The following ST3GAL4 variants were observed in gnomAD, a reference collection of about 807,000 sequenced individuals.
ST3GAL4 encodes the protein CMP-N-acetylneuraminate-beta-galactosamide-alpha-2,3-sialyltransferase 4.
A neutral mutation model predicts 42.6 loss-of-function variants in ST3GAL4; 24 were observed. That is an observed-to-expected ratio of 0.56 (90% CI 0.41 to 0.79). The LOEUF (loss-of-function observed/expected upper bound fraction) is 0.79. Ranked by LOEUF, ST3GAL4 falls within the 30% of genes least tolerant of loss-of-function variation. ST3GAL4 has a pLI of 0.00. For synonymous variants in ST3GAL4, 135 were observed against 163.2 expected (o/e 0.83, Z 1.32); for missense variants, 311 against 430.8 (o/e 0.72, Z 2.46).
chr11:126,386,382 A>G lies in ST3GAL4; in HGVS notation c.-60-19714A>G, dbSNP rs1953227628. On this transcript the variant is annotated intron_variant, in intron 1 of 10. Transcript: ENST00000444328. This position sits in a 1 kb window ranked among gnomAD's most constrained non-coding sequence, Gnocchi z 4.7. ...CCCTCCCTGCTTGCATTCGGCCCAC[A>G]GGCCTTGTGGCTCCTGTTTCTGCTG... is the stretch of plus-strand genomic sequence containing the variant. 6.6e-6 allele frequency among the ~76,000 whole-genome samples: 1 copy of G among 151,998 alleles called. No homozygotes were observed. Among genetic ancestry groups the G allele is most frequent in the Non-Finnish European group, 1.5e-5 (1 of 67,998 alleles).
At chr11:126,403,022 T>C (rs1297284504) in intron 1 of ST3GAL4, among the ~76,000 whole-genome samples, 1 of 152,230 alleles carries the variant, frequency 6.6e-6, no homozygotes, top group African/African-American at 2.4e-5. Flanking sequence ...TCCTGCCCTT[T>C]ATGCTCAGAG....
At chr11:126,374,636 G>GGA (rs938859417) in intron 1 of ST3GAL4, among the ~76,000 whole-genome samples, 15 of 152,070 alleles carry the variant, frequency 9.9e-5, no homozygotes, top group Non-Finnish European at 2.2e-4. Flanking sequence ...CAGCCTCCAT[G>GGA]GAGAGGAGTT....
At chr11:126,389,482 A>G (rs908709121) in intron 1 of ST3GAL4, among the ~76,000 whole-genome samples, 4 of 152,226 alleles carry the variant, frequency 2.6e-5, no homozygotes, top group African/African-American at 7.2e-5. Context: ...CATACACACA[A>G]GCACACACTG....
At chr11:126,407,719 T>TC in intron 6 of ST3GAL4, 85 bp downstream of exon 6, 1 of 1,171,928 alleles carries the variant, frequency 8.5e-7, no homozygotes, top group Non-Finnish European at 1.1e-6. Flanking sequence ...ACCCCCCCGC[T>TC]CTGTGAAACA....
rs1954495885 is a variant in ST3GAL4 at position 126,410,842 on chromosome 11, A to G, written c.771+1431A>G. Among the ~76,000 whole-genome samples, 1 of 152,140 alleles carries G rather than the reference A, an allele frequency of 6.6e-6. No homozygotes were observed. The highest frequency in any genetic ancestry group is 1.9e-4 in the East Asian group (1 of 5,178). On this transcript the variant is annotated intron_variant, in intron 9 of 10. Transcript: ENST00000444328. The surrounding 1 kb of genome is among the most constrained non-coding windows in gnomAD (Gnocchi z 5.3). ...TGTTCCCAATGCCGTGGAATCTCAG[A>G]GGAGGGGCAGACATCTGCTGAGAGA...
At chr11:126,413,311 T>G in intron 9 of ST3GAL4, 194 bp from the exon 10 acceptor site, 1 of 549,524 alleles carries the variant, frequency 1.8e-6, no homozygotes, top group Non-Finnish European at 3.1e-6. Context: ...TTAATTAAAA[T>G]TTAATAAAAT....
intron 1 of ST3GAL4, among the ~76,000 whole-genome samples, chr11:126,403,888 G>A (rs1276731331): frequency 1.4e-4 from 21 of 152,290 alleles, no homozygotes; most frequent in South Asian, 2.1e-4. Context: ...GCACATCGAG[G>A]TTTGAGAAGT....
rs1262468604 is a variant in ST3GAL4, at chr11:126,376,888, C to G, written c.-61+21046C>G. 6.6e-6 allele frequency: 1 copy of G among 152,196 alleles called. No individual in the cohort carries two copies. Among genetic ancestry groups the G allele is most frequent in the Admixed American group, 6.5e-5 (1 of 15,286 alleles). The allele number at this position is 152,196 out of a possible 1,614,324, so 9.4% of individuals were successfully genotyped here. On this transcript the variant is annotated intron_variant, in intron 1 of 10. Transcript: ENST00000444328. This position sits in a 1 kb window ranked among gnomAD's most constrained non-coding sequence, Gnocchi z 5.1. Reference sequence around the variant, plus strand: ...GTTACATAGTCAGTGTTGCTTTCCTCAAGTTGAATGATCCTCATGGTAACT... The same window carrying G: ...GTTACATAGTCAGTGTTGCTTTCCTGAAGTTGAATGATCCTCATGGTAACT...
intron 1 of ST3GAL4, among the ~76,000 whole-genome samples, chr11:126,361,382 A>G (rs77288666): frequency 1.9e-5 from 2 of 102,726 alleles, no homozygotes; most frequent in African/African-American, 7.5e-5. Flanking sequence ...TTTTTTTTTG[A>G]AAACCCCCAT....
chr11:126,390,119 C>CT (rs35195886), intron 1 of ST3GAL4, among the ~76,000 whole-genome samples: 151,470 of 151,472 alleles, frequency 1, 75,734 homozygotes, highest in Non-Finnish European at 1. Flanking sequence ...GGAGGCAGAG[C>CT]TGCAGTGAGC....
rs986517377 is a variant in ST3GAL4, at chr11:126,414,338, A to G, written c.*291A>G. On this transcript the variant is annotated 3_prime_UTR_variant, in exon 11 of 11. Transcript: ENST00000444328. The stretch of plus-strand genomic sequence containing the variant: ...GCACCAAGAGATTATTTAATGGGCT[A>G]TTTAATTAAGGGGTAGGAAGGTGCT... 15 of 462,128 alleles carry G rather than the reference A, an allele frequency of 3.2e-5. 1 individual carries two copies. Among genetic ancestry groups the G allele is most frequent in the Admixed American group, 6.8e-5 (2 of 29,374 alleles). 28.6% of individuals were successfully genotyped at this position (462,128 alleles called of 1,614,324 possible).
chr11:126,413,694 C>A, intron 10 of ST3GAL4, 46 bp downstream of exon 10: 1 of 1,606,850 alleles, frequency 6.2e-7, no homozygotes, highest in South Asian at 1.1e-5. Context: ...CGTGGACGGG[C>A]AGACAGTCAG....
At position 126,393,199 on chromosome 11, in the gene ST3GAL4, C is replaced by A. The variant is rs1953585173; in HGVS notation, c.-60-12897C>A. 3 of 152,164 alleles carry A rather than the reference C, an allele frequency of 2.0e-5. No individual in the cohort carries two copies. The South Asian group carries it at 6.2e-4, about 32-fold the overall frequency. The allele number at this position is 152,164 out of a possible 1,614,324, so 9.4% of individuals were successfully genotyped here. On this transcript the variant is annotated intron_variant, in intron 1 of 10. Coordinates refer to ENST00000444328, the MANE Select transcript of ST3GAL4 (RefSeq NM_001254757.2). The surrounding 1 kb of genome is among the most constrained non-coding windows in gnomAD (Gnocchi z 5.9). ...AGGGTTTAGTCTCGGTAGCCAGTGC[C>A]TAGGGCACAGGTCTTGGCCAGAGGA...
At chr11:126,374,516 G>T (rs1472599704) in intron 1 of ST3GAL4, among the ~76,000 whole-genome samples, 3 of 149,876 alleles carry the variant, frequency 2.0e-5, no homozygotes, top group South Asian at 4.2e-4. Context: ...AGATAGCCAA[G>T]CCCATGTCTA....
intron 1 of ST3GAL4, among the ~76,000 whole-genome samples, chr11:126,402,092 A>AGGGGGC (rs372167321): frequency 1.4e-4 from 20 of 139,130 alleles, no homozygotes; most frequent in East Asian, 7.9e-4. Context: ...TTTGGGGGAA[A>AGGGGGC]GAGGGGAGGT....
At chr11:126,370,420 C>T (rs1347712082) in intron 1 of ST3GAL4, among the ~76,000 whole-genome samples, 1 of 152,172 alleles carries the variant, frequency 6.6e-6, no homozygotes, top group Non-Finnish European at 1.5e-5. Flanking sequence ...AGTATATATT[C>T]ATAGCCTTAG....
intron 1 of ST3GAL4, among the ~76,000 whole-genome samples, chr11:126,381,661 A>G (rs1953008123): frequency 6.8e-6 from 1 of 146,420 alleles, no homozygotes; most frequent in Non-Finnish European, 1.5e-5. Flanking sequence ...CTGCTTGTGG[A>G]TGCTTTGTCT....
chr11:126,384,670 C>T lies in ST3GAL4; in HGVS notation c.-60-21426C>T, dbSNP rs1953146805. On this transcript the variant is annotated intron_variant, in intron 1 of 10. Coordinates refer to ENST00000444328, the MANE Select transcript of ST3GAL4 (RefSeq NM_001254757.2). This position sits in a 1 kb window ranked among gnomAD's most constrained non-coding sequence, Gnocchi z 5.5. Reference sequence around the variant, plus strand: ...TACACCCAGACAGACAGATGGAGAGCCACCTCCCTAGGGGCCTCCTCCCCC... The same window carrying T: ...TACACCCAGACAGACAGATGGAGAGTCACCTCCCTAGGGGCCTCCTCCCCC... 1.0e-6 allele frequency: 1 copy of T among 985,148 alleles called. No individual in the cohort carries two copies. Among genetic ancestry groups the T allele is most frequent in the East Asian group, 1.1e-4 (1 of 8,798 alleles). 61.0% of individuals were successfully genotyped at this position (985,148 alleles called of 1,614,324 possible).
intron 6 of ST3GAL4, 53 bp downstream of exon 6, chr11:126,407,687 C>T (rs1954308999): frequency 6.3e-7 from 1 of 1,578,402 alleles, no homozygotes; most frequent in African/African-American, 1.3e-5. Context: ...TTCCTGCCCC[C>T]TGCCCGCTCC....
Sources: allele counts gnomAD v4.1 joint callset (sites outside exome capture counted in the v4.1 genomes callset), GRCh38; gene constraint gnomAD v4.1.1; non-coding constraint Gnocchi (gnomAD v3.1); transcripts MANE v1.5; gene names NCBI Gene and HGNC (gene_info 2026-07-23, HGNC 2026-07-21).